Variants in COL22A1 observed in about 807,000 individuals in gnomAD.
The protein encoded by COL22A1 is collagen alpha-1(XXII) chain.
In COL22A1, 221 loss-of-function variants were observed where a neutral mutation model predicts 248.9. The ratio of observed to expected loss-of-function variants is 0.89; its 90% CI spans 0.80 to 0.99. The LOEUF (loss-of-function observed/expected upper bound fraction) is 0.99, where lower values mean the gene tolerates loss of function less well. Among genes scored for constraint, COL22A1 ranks in the 50% least tolerant of loss-of-function variants. COL22A1 has a pLI of 0.00. For synonymous variants in COL22A1, 891 were observed against 793.4 expected (o/e 1.12, Z -2.07); for missense variants, 2,240 against 2,179.0 (o/e 1.03, Z -0.56).
chr8:138,911,043 A>T (rs1815415607), intron 1 of COL22A1, among the ~76,000 whole-genome samples: 1 of 152,166 alleles, frequency 6.6e-6, no homozygotes, highest in Non-Finnish European at 1.5e-5. Context: ...TCAAGCTAGG[A>T]AGGACCTTAA....
intron 30 of COL22A1, among the ~76,000 whole-genome samples, chr8:138,710,939 T>C (rs1409741341): frequency 6.6e-6 from 1 of 152,162 alleles, no homozygotes; most frequent in East Asian, 1.9e-4. Flanking sequence ...CAGTTGAATA[T>C]ATGAATGGGT....
In COL22A1 at chr8:138,623,737, C is replaced by T; in HGVS notation, c.3766G>A (p.Glu1256Lys). Reference sequence around the variant, plus strand: ...GGAAGTTTAGAGTCCTTTACCGGCTCTCCAGGGGGACCCGGCTTTCCATCT... The same window carrying T: ...GGAAGTTTAGAGTCCTTTACCGGCTTTCCAGGGGGACCCGGCTTTCCATCT... ...GRDGKPGPPGEPGKAGEPGLP... is the reference protein window; with the variant it reads ...GRDGKPGPPGKPGKAGEPGLP... The change falls in exon 52 of 65, where the codon GAG (glutamate) becomes AAG (lysine). Residue 1256 changes from glutamate (E) to lysine (K), a missense_variant. By Grantham distance (56) the Glu-to-Lys change is moderately conservative (BLOSUM62 1). Coordinates refer to ENST00000303045, the MANE Select transcript of COL22A1 (RefSeq NM_152888.3). The T allele has an allele frequency of 1.2e-6, 2 of 1,612,264 alleles. No individual in the cohort carries two copies. The highest frequency in any genetic ancestry group is 1.7e-6 in the Non-Finnish European group (2 of 1,179,300).
Position 138,782,423 on chromosome 8 carries a change from G to A in COL22A1, c.1597-1443C>T, listed in dbSNP as rs564178215. On this transcript the variant is annotated intron_variant, in intron 12 of 64. Coordinates refer to ENST00000303045, the MANE Select transcript of COL22A1 (RefSeq NM_152888.3). The stretch of plus-strand genomic sequence containing the variant: ...TGTACAGACAGGGTTTCACAATGTT[G>A]CCCAGGCAGGCCTCAAACTCCTGAG... 5.9e-5 allele frequency among the ~76,000 whole-genome samples: 9 copies of A among 152,310 alleles called. 1 individual carries two copies. The South Asian group carries it at 1.7e-3, about 28-fold the overall frequency.
In COL22A1 at chr8:138,878,042, G is replaced by A; in HGVS notation, c.366C>T (p.Arg122=). The A allele has an allele frequency of 2.5e-6, 4 of 1,592,716 alleles. No individual in the cohort carries two copies. The highest frequency in any genetic ancestry group is 3.4e-6 in the Non-Finnish European group (4 of 1,170,110). The change falls in exon 3 of 65, where the codon CGC becomes CGT. Residue 122 remains arginine (R), a synonymous_variant. Transcript: ENST00000303045. The part of the protein sequence containing the change: ...GGNTNTGDAL[R]YITARSFSPH... ...GGGAGAAGCTGCGGGCCGTGATGTA[G>A]CGGAGCGCGTCTCCCGTGTTGGTGT... is the stretch of plus-strand genomic sequence containing the variant.
chr8:138,875,315 G>A (rs547163559), intron 3 of COL22A1, among the ~76,000 whole-genome samples: 1 of 152,220 alleles, frequency 6.6e-6, no homozygotes, highest in Admixed American at 6.5e-5. Context: ...TAACTGTGTG[G>A]CACATCCCAG....
rs1586747288 is a variant in COL22A1, at chr8:138,788,757, C to T, written c.1597-7777G>A. Among the ~76,000 whole-genome samples, 2 of 152,318 alleles carry T rather than the reference C, an allele frequency of 1.3e-5. 1 individual carries two copies. The highest frequency in any genetic ancestry group is 4.1e-4 in the South Asian group (2 of 4,820). Reference sequence around the variant, plus strand: ...ATTTGGTTTATAAAAAAATGGAACACTATGCTGGTGCAATGGTAATTATGT... The same window carrying T: ...ATTTGGTTTATAAAAAAATGGAACATTATGCTGGTGCAATGGTAATTATGT... On this transcript the variant is annotated intron_variant, in intron 12 of 64. Transcript: ENST00000303045.
intron 1 of COL22A1, among the ~76,000 whole-genome samples, chr8:138,897,208 C>T (rs889623426): frequency 3.3e-5 from 5 of 152,076 alleles, no homozygotes; most frequent in Admixed American, 1.3e-4. Flanking sequence ...GAGACATTTA[C>T]TATTTACCTT....
chr8:138,607,160 T>A (rs1057256046), intron 57 of COL22A1, among the ~76,000 whole-genome samples: 2 of 152,234 alleles, frequency 1.3e-5, no homozygotes, highest in South Asian at 2.1e-4. Flanking sequence ...TTGGGAAAGT[T>A]CCTCACAAAC....
chr8:138,606,583 G>A (rs1818444351), intron 57 of COL22A1, 131 bp from the exon 58 acceptor site: 1 of 862,660 alleles, frequency 1.2e-6, no homozygotes, highest in African/African-American at 1.7e-5. Flanking sequence ...TCCCATGATG[G>A]AGGGGCATGG....
intron 23 of COL22A1, among the ~76,000 whole-genome samples, chr8:138,725,798 CAT>C (rs1220605764): frequency 1.2e-4 from 17 of 139,518 alleles, no homozygotes; most frequent in African/African-American, 3.9e-4. Flanking sequence ...CACACACACA[CAT>C]AGTCTGACCC....
chr8:138,783,279 G>A (rs1298336094), intron 12 of COL22A1, among the ~76,000 whole-genome samples: 1 of 152,006 alleles, frequency 6.6e-6, no homozygotes, highest in Non-Finnish European at 1.5e-5. Context: ...TTTCTAGAGG[G>A]ACAGAACAAA....
chr8:138,628,958 C>T (rs1476996480), intron 50 of COL22A1, among the ~76,000 whole-genome samples: 1 of 151,708 alleles, frequency 6.6e-6, no homozygotes, highest in Non-Finnish European at 1.5e-5. Context: ...GTAGAGACAG[C>T]GTTTCACAGC....
chr8:138,723,552 C>G (rs1830065997), intron 25 of COL22A1, among the ~76,000 whole-genome samples: 1 of 152,216 alleles, frequency 6.6e-6, no homozygotes, highest in Admixed American at 6.5e-5. Context: ...TGCATACTTT[C>G]TGATGAGCCC....
At chr8:138,712,365 T>C (rs1829044176) in intron 30 of COL22A1, among the ~76,000 whole-genome samples, 2 of 152,090 alleles carry the variant, frequency 1.3e-5, no homozygotes, top group Non-Finnish European at 2.9e-5. Context: ...GTGCATTTGG[T>C]CAGAACTGAG....
intron 52 of COL22A1, among the ~76,000 whole-genome samples, chr8:138,620,958 C>T (rs1279497333): frequency 1.2e-5 from 1 of 85,786 alleles, no homozygotes; most frequent in East Asian, 3.5e-4. Flanking sequence ...TCCATCCATC[C>T]ATCCATCCAT....
intron 39 of COL22A1, among the ~76,000 whole-genome samples, chr8:138,681,096 G>T (rs1464859086): frequency 6.6e-6 from 1 of 152,080 alleles, no homozygotes; most frequent in Non-Finnish European, 1.5e-5. Flanking sequence ...CTGCCTTCTT[G>T]CTGCCACCCC....
chr8:138,596,879 A>G (rs1194450922), intron 62 of COL22A1, 25 bp downstream of exon 62: 1 of 1,609,150 alleles, frequency 6.2e-7, no homozygotes, highest in Non-Finnish European at 8.5e-7. Context: ...TCTCTGCAAG[A>G]CCGTAACACA....
rs1820005893 is a variant in COL22A1 at position 138,831,024 on chromosome 8, GTC to G, written c.845+2013_845+2014del. Among the ~76,000 whole-genome samples the G allele has an allele frequency of 4.6e-5, 7 of 152,226 alleles. No individual in the cohort carries two copies. The South Asian group carries it at 1.5e-3, about 32-fold the overall frequency. On this transcript the variant is annotated intron_variant, in intron 5 of 64. Transcript: ENST00000303045. ...CAAGAGTTGGCTGACAGCGATTATTGTCTTTGTTTCATGAAAACGAGACTCAG... is the reference window on the plus strand; with the variant it reads ...CAAGAGTTGGCTGACAGCGATTATTGTTTGTTTCATGAAAACGAGACTCAG...
intron 17 of COL22A1, among the ~76,000 whole-genome samples, chr8:138,760,874 A>G (rs1329020203): frequency 2.6e-5 from 4 of 152,176 alleles, no homozygotes; most frequent in Admixed American, 2.6e-4. Flanking sequence ...CAGCTCCTGC[A>G]GGAGCAGGGC....
Sources: gnomAD v4.1 joint callset for allele counts (sites outside exome capture counted in the v4.1 genomes callset) on GRCh38, gnomAD v4.1.1 for gene constraint, MANE v1.5 for transcripts, NCBI Gene and HGNC (gene_info 2026-07-23, HGNC 2026-07-21) for gene names.